The following AATK variants were observed in gnomAD, a reference collection of about 807,000 sequenced individuals.
The protein encoded by AATK is serine/threonine-protein kinase LMTK1.
A neutral mutation model predicts 114.3 loss-of-function variants in AATK; 91 were observed. The ratio of observed to expected loss-of-function variants is 0.80; its 90% CI spans 0.67 to 0.95. The LOEUF (loss-of-function observed/expected upper bound fraction) is 0.95. Ranked by LOEUF, AATK falls within the 40% of genes least tolerant of loss-of-function variation. The probability of loss-of-function intolerance (pLI) is 0.00; values close to 1 mark genes in which losing one functional copy is unlikely to be tolerated. For missense variants in AATK, 2,176 were observed against 1,965.2 expected (o/e 1.11, Z -2.03); for synonymous variants, 1,075 against 916.5 (o/e 1.17, Z -3.12).
At chr17:81,130,837 C>A (rs1036431924) in intron 3 of AATK, among the ~76,000 whole-genome samples, 8 of 152,214 alleles carry the variant, frequency 5.3e-5, no homozygotes, top group East Asian at 3.8e-4. Context: ...GGCCGGCCCC[C>A]AGGCCCAGGA....
rs561581802 is a variant in AATK at position 81,128,459 on chromosome 17, G to A, written c.414+11C>T. On this transcript the variant is annotated intron_variant, in intron 4 of 13. Coordinates refer to ENST00000326724, the MANE Select transcript of AATK (RefSeq NM_001080395.3). ...CAGGCGGGAGTCCTCCCTCCCAGGC[G>A]GGACACGTACCTTCCCGAACCAGCC... 2.0e-5 allele frequency: 31 copies of A among 1,548,662 alleles called. No individual in the cohort carries two copies. The highest frequency in any genetic ancestry group is 2.5e-5 in the Non-Finnish European group (29 of 1,146,774).
intron 1 of AATK, among the ~76,000 whole-genome samples, chr17:81,154,540 A>G (rs2061338202): frequency 1.4e-5 from 2 of 145,534 alleles, no homozygotes; most frequent in Admixed American, 6.7e-5. Context: ...GGTGGTCTCA[A>G]ACTCCTGAGC....
chr17:81,164,553 C>T (rs769781241), intron 1 of AATK, among the ~76,000 whole-genome samples: 142 of 152,342 alleles, frequency 9.3e-4, no homozygotes, highest in Non-Finnish European at 1.3e-3. Context: ...AGGGCAGAGC[C>T]GGTGCTGCTC....
chr17:81,149,749 G>A (rs1258536946), intron 1 of AATK, among the ~76,000 whole-genome samples: 1 of 152,164 alleles, frequency 6.6e-6, no homozygotes, highest in African/African-American at 2.4e-5. Flanking sequence ...CTCTCTGCTT[G>A]TCCAGGGTTT....
At chr17:81,148,087 A>AAAG (rs1293154465) in intron 1 of AATK, among the ~76,000 whole-genome samples, 1 of 149,922 alleles carries the variant, frequency 6.7e-6, no homozygotes, top group Admixed American at 6.6e-5. Flanking sequence ...AAAAAAAAAA[A>AAAG]AAGAACAGAA....
chr17:81,128,855 G>A (rs1022684961), intron 3 of AATK: 51 of 1,191,090 alleles, frequency 4.3e-5, no homozygotes, highest in African/African-American at 3.8e-4. Flanking sequence ...AGCTCGACCC[G>A]TCACATGGGC....
chr17:81,127,753 G>C, intron 5 of AATK, 39 bp downstream of exon 5: 8 of 1,503,746 alleles, frequency 5.3e-6, no homozygotes, highest in Non-Finnish European at 6.3e-6. Context: ...AGAGGAGGGG[G>C]CCGCACAGCA....
chr17:81,124,583 C>A (rs2060769147), intron 9 of AATK, 144 bp downstream of exon 9: 1 of 1,416,024 alleles, frequency 7.1e-7, no homozygotes. Context: ...CGCCACCCAA[C>A]CAGCCACTTG....
At chr17:81,157,756 C>A (rs1378373358) in intron 1 of AATK, among the ~76,000 whole-genome samples, 1 of 152,208 alleles carries the variant, frequency 6.6e-6, no homozygotes, top group East Asian at 1.9e-4. Context: ...CCCCGGTTCC[C>A]CAGGAGGCTG....
Position 81,126,215 on chromosome 17 carries a change from G to T in AATK, c.755+212C>A, listed in dbSNP as rs544593889. On this transcript the variant is annotated intron_variant, in intron 7 of 13. Coordinates refer to ENST00000326724, the MANE Select transcript of AATK (RefSeq NM_001080395.3). The surrounding 1 kb of genome is among the most constrained non-coding windows in gnomAD (Gnocchi z 5.1). ...CCAGCTTGACAGTACGCATCTCTTC[G>T]TCTAAACCTGCAAAGTGGGTGTCAA... 6.6e-6 allele frequency among the ~76,000 whole-genome samples: 1 copy of T among 152,162 alleles called. No homozygotes were observed. Among genetic ancestry groups the T allele is most frequent in the African/African-American group, 2.4e-5 (1 of 41,434 alleles).
chr17:81,123,467 T>C (rs2060729135), intron 9 of AATK, 124 bp from the exon 10 acceptor site: 2 of 894,662 alleles, frequency 2.2e-6, no homozygotes, highest in Non-Finnish European at 3.0e-6. Flanking sequence ...GACCGGGGCC[T>C]GGTACCATAC....
intron 9 of AATK, among the ~76,000 whole-genome samples, chr17:81,123,784 G>C (rs1452320061): frequency 6.6e-6 from 1 of 152,126 alleles, no homozygotes; most frequent in East Asian, 1.9e-4. Context: ...GGCCAGCATG[G>C]GCAGGGCTGG....
intron 1 of AATK, among the ~76,000 whole-genome samples, chr17:81,143,087 G>A (rs2061161720): frequency 6.6e-6 from 1 of 152,212 alleles, no homozygotes; most frequent in African/African-American, 2.4e-5. Flanking sequence ...CGTCCGCAGC[G>A]TTGCCGGCAC....
rs772236719 is a variant in AATK, at chr17:81,123,307, C to T, written c.999G>A (p.Leu333=). 3.6e-6 allele frequency: 5 copies of T among 1,396,402 alleles called. No individual in the cohort carries two copies. In the South Asian group the frequency reaches 6.4e-5, roughly 18 times the overall value. 86.5% of individuals were successfully genotyped at this position (1,396,402 alleles called of 1,614,324 possible). A position where few individuals can be genotyped will look rare whatever the true frequency, so the allele number is the denominator to read the frequency against. The part of the protein sequence containing the change: ...LGVTIWELFE[L]GTQPYPQHSD... ...AGTGCTGGGGATAGGGCTGCGTGCC[C>T]AGCTCAAAGAGCTCCCAGATGGTCA... Residue 333 remains leucine, a synonymous_variant, in exon 10 of 14, where the codon CTG becomes CTA. Transcript: ENST00000326724.
intron 1 of AATK, among the ~76,000 whole-genome samples, chr17:81,137,891 C>T (rs979436127): frequency 6.6e-5 from 10 of 151,522 alleles, no homozygotes; most frequent in Non-Finnish European, 1.2e-4. Context: ...CAGGCATATA[C>T]CCACGTGCAC....
Position 81,118,384 on chromosome 17 carries a change from G to A in AATK, c.*18C>T. 2 of 1,601,570 alleles carry A rather than the reference G, an allele frequency of 1.2e-6. No individual in the cohort carries two copies. The highest frequency in any genetic ancestry group is 1.7e-6 in the Non-Finnish European group (2 of 1,175,118). On this transcript the variant is annotated 3_prime_UTR_variant, in exon 14 of 14. Coordinates refer to ENST00000326724, the MANE Select transcript of AATK (RefSeq NM_001080395.3). ...GCTCCGGTGACGCCAGCCTTGAGGG[G>A]CAGGAGCTGCCCAGGTCTCAAGCCT...
chr17:81,127,989 G>T, intron 4 of AATK, 79 bp from the exon 5 acceptor site: 1 of 1,508,008 alleles, frequency 6.6e-7, no homozygotes, highest in African/African-American at 1.4e-5. Flanking sequence ...TCTCCCACCC[G>T]CCCCACGCCG....
At chr17:81,162,554 G>T (rs754943989) in intron 1 of AATK, among the ~76,000 whole-genome samples, 1 of 152,158 alleles carries the variant, frequency 6.6e-6, no homozygotes, top group African/African-American at 2.4e-5. Context: ...TCAGCCCCTT[G>T]AGCCCCTGAG....
intron 1 of AATK, among the ~76,000 whole-genome samples, chr17:81,161,976 C>T (rs918137503): frequency 6.6e-6 from 1 of 152,178 alleles, no homozygotes; most frequent in African/African-American, 2.4e-5. Context: ...ACTGCACCAC[C>T]CCATGGAGGG....
Sources: allele counts gnomAD v4.1 joint callset (sites outside exome capture counted in the v4.1 genomes callset), GRCh38; gene constraint gnomAD v4.1.1; non-coding constraint Gnocchi (gnomAD v3.1); transcripts MANE v1.5; gene names NCBI Gene and HGNC (gene_info 2026-07-23, HGNC 2026-07-21).